Variants in SRBD1 observed in about 807,000 individuals in gnomAD.
SRBD1 encodes S1 RNA-binding domain-containing protein 1.
SRBD1 carries 88 observed loss-of-function variants against 115.3 expected under a neutral mutation model. That is an observed-to-expected ratio of 0.76 (90% confidence interval 0.64 to 0.91). SRBD1 has a LOEUF of 0.91. Ranked by LOEUF, SRBD1 falls within the 40% of genes least tolerant of loss-of-function variation. The pLI is 0.00. For synonymous variants in SRBD1, 509 were observed against 407.7 expected (o/e 1.25, Z -2.99); for missense variants, 1,385 against 1,177.4 (o/e 1.18, Z -2.58).
At chr2:45,430,642 C>G (rs1009627938) in intron 16 of SRBD1, among the ~76,000 whole-genome samples, 1 of 152,244 alleles carries the variant, frequency 6.6e-6, no homozygotes, top group East Asian at 1.9e-4. Flanking sequence ...CAAAAATTAA[C>G]TCAAGATGGA....
Position 45,611,238 on chromosome 2 carries a change from G to A in SRBD1, c.-20C>T, listed in dbSNP as rs1005970496. The A allele has an allele frequency of 2.0e-5, 3 of 151,696 alleles. No individual in the cohort carries two copies. Among genetic ancestry groups the A allele is most frequent in the Admixed American group, 2.0e-4 (3 of 15,284 alleles). 9.4% of individuals were successfully genotyped at this position (151,696 alleles called of 1,614,324 possible). A position where few individuals can be genotyped will look rare whatever the true frequency, so the allele number is the denominator to read the frequency against. On this transcript the variant is annotated 5_prime_UTR_variant, in exon 1 of 21. Coordinates refer to ENST00000263736, the MANE Select transcript of SRBD1 (RefSeq NM_018079.5). ...GCTCACCTTCCCGCCCGGCACGTCA[G>A]AAGACCCGAGATTCCGTGAGTGCCA...
intron 16 of SRBD1, among the ~76,000 whole-genome samples, chr2:45,436,717 A>C (rs1224849209): frequency 6.6e-6 from 1 of 152,202 alleles, no homozygotes; most frequent in African/African-American, 2.4e-5. Context: ...AACCACCCCC[A>C]TGATCCAATC....
chr2:45,577,980 T>C (rs1389230909), intron 7 of SRBD1, among the ~76,000 whole-genome samples: 1 of 152,144 alleles, frequency 6.6e-6, no homozygotes, highest in Non-Finnish European at 1.5e-5. Context: ...ACTATCCACA[T>C]TATAAGAAGT....
At chr2:45,502,753 C>T (rs1051493907) in intron 14 of SRBD1, among the ~76,000 whole-genome samples, 2 of 151,844 alleles carry the variant, frequency 1.3e-5, no homozygotes, top group Non-Finnish European at 2.9e-5. Context: ...TGGTGCAGCA[C>T]ACCAACATGG....
intron 16 of SRBD1, among the ~76,000 whole-genome samples, chr2:45,451,446 C>T (rs1472325179): frequency 1.3e-5 from 2 of 151,872 alleles, no homozygotes; most frequent in African/African-American, 4.8e-5. Flanking sequence ...GGCAATTATA[C>T]AATAAACTGA....
intron 5 of SRBD1, among the ~76,000 whole-genome samples, chr2:45,582,435 T>C (rs535876121): frequency 6.6e-6 from 1 of 152,226 alleles, no homozygotes; most frequent in Non-Finnish European, 1.5e-5. Flanking sequence ...TAAGGTAGTA[T>C]CTGTGGGTTT....
chr2:45,541,037 G>A (rs1671918348), intron 14 of SRBD1, among the ~76,000 whole-genome samples: 1 of 152,226 alleles, frequency 6.6e-6, no homozygotes, highest in African/African-American at 2.4e-5. Flanking sequence ...GGCAGGCTGT[G>A]CTTGGCTGGT....
intron 19 of SRBD1, among the ~76,000 whole-genome samples, chr2:45,400,968 C>T (rs569295206): frequency 1.2e-4 from 19 of 152,224 alleles, no homozygotes; most frequent in African/African-American, 4.1e-4. Context: ...TTGCCAGAAA[C>T]GTCATGTGGG....
At chr2:45,522,508 C>T (rs1468206709) in intron 14 of SRBD1, among the ~76,000 whole-genome samples, 1 of 152,162 alleles carries the variant, frequency 6.6e-6, no homozygotes, top group Non-Finnish European at 1.5e-5. Flanking sequence ...ACATGATACT[C>T]AAAGGAAAGC....
intron 15 of SRBD1, among the ~76,000 whole-genome samples, chr2:45,486,130 T>C (rs1333489317): frequency 2.6e-5 from 4 of 152,182 alleles, no homozygotes; most frequent in Admixed American, 2.6e-4. Context: ...TGTTGGAATG[T>C]TGTAATTCTG....
chr2:45,529,761 C>T (rs958081570), intron 14 of SRBD1, among the ~76,000 whole-genome samples: 7 of 151,908 alleles, frequency 4.6e-5, no homozygotes, highest in Admixed American at 2.0e-4. Context: ...TGAATTTTAA[C>T]TCAAATTAAG....
chr2:45,587,616 G>A (rs1172053060), intron 4 of SRBD1, among the ~76,000 whole-genome samples: 2 of 152,036 alleles, frequency 1.3e-5, no homozygotes, highest in African/African-American at 2.4e-5. Flanking sequence ...ATAACAGACT[G>A]AATTTCAAGA....
intron 4 of SRBD1, among the ~76,000 whole-genome samples, chr2:45,588,374 C>A (rs774963124): frequency 3.3e-5 from 5 of 152,304 alleles, no homozygotes; most frequent in African/African-American, 1.2e-4. Flanking sequence ...TCTTAAGAGG[C>A]CTTCATGAGG....
At chr2:45,502,705 T>C (rs1442266750) in intron 14 of SRBD1, among the ~76,000 whole-genome samples, 1 of 151,692 alleles carries the variant, frequency 6.6e-6, no homozygotes, top group Non-Finnish European at 1.5e-5. Flanking sequence ...GGGGGAGGGA[T>C]AGCATTAGGA....
chr2:45,525,346 AACG>A (rs1671408342), intron 14 of SRBD1, among the ~76,000 whole-genome samples: 1 of 152,036 alleles, frequency 6.6e-6, no homozygotes, highest in Admixed American at 6.6e-5. Flanking sequence ...AAAAATGTAA[AACG>A]ACAACCTACA....
intron 10 of SRBD1, among the ~76,000 whole-genome samples, chr2:45,561,837 C>T (rs1672672809): frequency 6.6e-6 from 1 of 152,142 alleles, no homozygotes; most frequent in Non-Finnish European, 1.5e-5. Flanking sequence ...CTTAAAATAT[C>T]TAATAAATTT....
chr2:45,609,298 A>G, intron 1 of SRBD1, among the ~76,000 whole-genome samples: 1 of 152,192 alleles, frequency 6.6e-6, no homozygotes, highest in South Asian at 2.1e-4. Context: ...TTCATCTCAC[A>G]TATCCAGACT....
chr2:45,539,689 G>T (rs560170189), intron 14 of SRBD1, among the ~76,000 whole-genome samples: 1 of 152,136 alleles, frequency 6.6e-6, no homozygotes, highest in Non-Finnish European at 1.5e-5. Context: ...TAATTTAAGT[G>T]ATCCCAAACT....
At chr2:45,412,969 A>G in intron 19 of SRBD1, 145 bp downstream of exon 19, 1 of 858,820 alleles carries the variant, frequency 1.2e-6, no homozygotes, top group Non-Finnish European at 1.7e-6. Context: ...AATGTGCCAC[A>G]TAACTCAGCA....
Sources: allele counts gnomAD v4.1 joint callset (sites outside exome capture counted in the v4.1 genomes callset), GRCh38; gene constraint gnomAD v4.1.1; transcripts MANE v1.5; gene names NCBI Gene and HGNC (gene_info 2026-07-23, HGNC 2026-07-21).